SPOCK1: variants seen among roughly 807,000 people sequenced by gnomAD.
SPOCK1 encodes the protein SPARC (osteonectin), cwcv and kazal like domains proteoglycan 1.
Under a neutral mutation model 55.3 loss-of-function variants are expected in SPOCK1, and 23 were observed. The observed-to-expected ratio is 0.42, with a 90% confidence interval of 0.30 to 0.59. SPOCK1 has a LOEUF of 0.59. SPOCK1 is among the 20% of genes least tolerant of loss of function. The pLI is 0.22. For missense variants in SPOCK1, 499 were observed against 552.5 expected, an observed-to-expected ratio of 0.90 and a Z score of 0.97; for synonymous variants, 226 against 221.0, an observed-to-expected ratio of 1.02 and a Z score of -0.20.
intron 2 of SPOCK1, among the ~76,000 whole-genome samples, chr5:137,465,880 A>T (rs1753608070): frequency 6.6e-6 from 1 of 152,226 alleles, no homozygotes; most frequent in Non-Finnish European, 1.5e-5. Context: ...ATCACAATGC[A>T]TACAAAATTA....
chr5:137,321,821 T>G (rs1011116646), intron 2 of SPOCK1, among the ~76,000 whole-genome samples: 6 of 151,770 alleles, frequency 4.0e-5, no homozygotes, highest in Non-Finnish European at 7.4e-5. Flanking sequence ...GAGGTTGCAG[T>G]GAGCCAACAT....
chr5:137,079,086 G>C (rs1489519960), intron 5 of SPOCK1, among the ~76,000 whole-genome samples: 1 of 152,146 alleles, frequency 6.6e-6, no homozygotes, highest in Non-Finnish European at 1.5e-5. Context: ...TGGATGCTTT[G>C]CTTTGTCTAC....
rs1750967986 is a variant in SPOCK1 at position 136,992,520 on chromosome 5, C to T, written c.670G>A (p.Val224Ile). The T allele has an allele frequency of 6.2e-7, 1 of 1,613,822 alleles. No homozygotes were observed. The highest frequency in any genetic ancestry group is 2.2e-5 in the East Asian group (1 of 44,838). Residue 224 changes from valine (V) to isoleucine (I), a missense_variant, in exon 7 of 11, where the codon GTC becomes ATC. Val to Ile is a conservative substitution (Grantham distance 29). This residue lies in a region of SPOCK1 where 386 missense variants were observed against 400.6 expected (regional missense o/e 0.96). Transcript: ENST00000394945. Reference sequence around the variant, plus strand: ...GTGTTGGAGCTGGTGGGCTTGATGACTCTGTTCGCATCCTCGTGGAGAGCT... The same window carrying T: ...GTGTTGGAGCTGGTGGGCTTGATGATTCTGTTCGCATCCTCGTGGAGAGCT... ...FGALHEDANRVIKPTSSNTAQ... is the reference protein window; with the variant it reads ...FGALHEDANRIIKPTSSNTAQ...
chr5:137,324,633 A>G (rs751289074), intron 2 of SPOCK1, among the ~76,000 whole-genome samples: 31 of 152,206 alleles, frequency 2.0e-4, no homozygotes, highest in Admixed American at 4.6e-4. Context: ...AGCAGAAGAA[A>G]AATGGAGCTG....
At chr5:137,418,897 T>A (rs1017824169) in intron 2 of SPOCK1, among the ~76,000 whole-genome samples, 1 of 152,194 alleles carries the variant, frequency 6.6e-6, no homozygotes, top group Admixed American at 6.6e-5. Context: ...CTGAATGGTA[T>A]TGCCAAGGTT....
At chr5:137,013,821 A>G (rs1298803279) in intron 6 of SPOCK1, among the ~76,000 whole-genome samples, 1 of 152,136 alleles carries the variant, frequency 6.6e-6, no homozygotes, top group Non-Finnish European at 1.5e-5. Flanking sequence ...CACTGCATCT[A>G]CTGCTAATAT....
chr5:137,029,590 A>G (rs932819468), intron 6 of SPOCK1, among the ~76,000 whole-genome samples: 2 of 152,210 alleles, frequency 1.3e-5, no homozygotes, highest in African/African-American at 4.8e-5. Context: ...AAGTCCTCAC[A>G]CGTGCAACTC....
chr5:137,212,638 T>C (rs574473253), intron 3 of SPOCK1, among the ~76,000 whole-genome samples: 1 of 152,314 alleles, frequency 6.6e-6, no homozygotes, highest in African/African-American at 2.4e-5. Flanking sequence ...GAGAAGCCCA[T>C]ATGGTTACTT....
At chr5:137,472,500 G>A (rs186542874) in intron 2 of SPOCK1, among the ~76,000 whole-genome samples, 40 of 152,330 alleles carry the variant, frequency 2.6e-4, no homozygotes, top group African/African-American at 8.9e-4. Context: ...CACGTGTGCT[G>A]CTGGTGGGGG....
At chr5:137,435,657 AT>A (rs911455719) in intron 2 of SPOCK1, among the ~76,000 whole-genome samples, 3 of 151,972 alleles carry the variant, frequency 2.0e-5, no homozygotes, top group Non-Finnish European at 2.9e-5. Context: ...AAGGCTTAAG[AT>A]TTTTTTCGTG....
chr5:137,067,879 C>G, intron 5 of SPOCK1, 50 bp from the exon 6 acceptor site: 1 of 1,465,266 alleles, frequency 6.8e-7, no homozygotes, highest in Non-Finnish European at 9.5e-7. Flanking sequence ...ATAACAGACC[C>G]CTACCCCGCC....
intron 2 of SPOCK1, among the ~76,000 whole-genome samples, chr5:137,497,512 G>A (rs1033476450): frequency 6.6e-6 from 1 of 152,204 alleles, no homozygotes; most frequent in African/African-American, 2.4e-5. Context: ...GGCAGTCCTT[G>A]AAGAAGCTGG....
intron 2 of SPOCK1, among the ~76,000 whole-genome samples, chr5:137,419,841 G>A (rs2149825197): frequency 1.3e-5 from 2 of 152,268 alleles, no homozygotes; most frequent in Non-Finnish European, 2.9e-5. Flanking sequence ...ACACTATGTT[G>A]AATAGGAGTG....
chr5:136,990,425 TAAAA>T (rs61532412), intron 7 of SPOCK1, among the ~76,000 whole-genome samples: 3 of 141,982 alleles, frequency 2.1e-5, no homozygotes, highest in African/African-American at 7.7e-5. Context: ...AGTGCTCAAT[TAAAA>T]AAAAAAAAAA....
At chr5:137,199,650 C>A (rs1483522118) in intron 3 of SPOCK1, among the ~76,000 whole-genome samples, 1 of 152,116 alleles carries the variant, frequency 6.6e-6, no homozygotes, top group Non-Finnish European at 1.5e-5. Flanking sequence ...TTCCTCTCAG[C>A]CTCTTCTTCT....
At chr5:137,283,831 T>G (rs935845774) in intron 2 of SPOCK1, among the ~76,000 whole-genome samples, 1 of 152,038 alleles carries the variant, frequency 6.6e-6, no homozygotes, top group Non-Finnish European at 1.5e-5. Context: ...GCATAGTCGA[T>G]GTGAAAACAT....
chr5:137,274,086 C>T (rs1561490531), intron 2 of SPOCK1, among the ~76,000 whole-genome samples: 1 of 152,156 alleles, frequency 6.6e-6, no homozygotes, highest in Non-Finnish European at 1.5e-5. Flanking sequence ...AGAACTGAGT[C>T]TGAGGTTTAT....
chr5:137,213,888 T>G (rs184390214), intron 3 of SPOCK1, among the ~76,000 whole-genome samples: 1 of 152,298 alleles, frequency 6.6e-6, no homozygotes, highest in Non-Finnish European at 1.5e-5. Flanking sequence ...CATTGTACTC[T>G]TGAAGCAAGA....
At chr5:137,319,736 G>T (rs554188132) in intron 2 of SPOCK1, among the ~76,000 whole-genome samples, 1 of 151,992 alleles carries the variant, frequency 6.6e-6, no homozygotes, top group African/African-American at 2.4e-5. Flanking sequence ...ATGAGGTCAG[G>T]AGATCGAGAC....
Sources: allele counts gnomAD v4.1 joint callset (sites outside exome capture counted in the v4.1 genomes callset), GRCh38; gene constraint gnomAD v4.1.1; regional missense constraint gnomAD v4.1.1; transcripts MANE v1.5; gene names NCBI Gene and HGNC (gene_info 2026-07-23, HGNC 2026-07-21).